The following CTNND2 variants were observed in gnomAD, a reference collection of about 807,000 sequenced individuals.
CTNND2 encodes the protein catenin delta 2.
Under a neutral mutation model 144.4 loss-of-function variants are expected in CTNND2, and 22 were observed. The observed-to-expected ratio is 0.15, with a 90% confidence interval of 0.11 to 0.22. The LOEUF (loss-of-function observed/expected upper bound fraction) is 0.22, where lower values mean the gene tolerates loss of function less well. Ranked by LOEUF, CTNND2 falls within the 10% of genes least tolerant of loss-of-function variation. CTNND2 has a pLI of 1.00. For synonymous variants in CTNND2, 751 were observed against 695.6 expected (o/e 1.08, Z -1.25); for missense variants, 1,353 against 1,618.8 (o/e 0.84, Z 2.82).
At chr5:11,454,592 T>A (rs951545633) in intron 3 of CTNND2, among the ~76,000 whole-genome samples, 2 of 142,128 alleles carry the variant, frequency 1.4e-5, no homozygotes, top group African/African-American at 6.3e-5. Flanking sequence ...AACAGAAAGT[T>A]TTTTTTCCTT....
intron 21 of CTNND2, among the ~76,000 whole-genome samples, chr5:10,980,087 A>G (rs1426170791): frequency 6.6e-6 from 1 of 152,216 alleles, no homozygotes; most frequent in African/African-American, 2.4e-5. Flanking sequence ...CCTGCACGGC[A>G]AAAGAAACTA....
chr5:11,565,291 A>G lies in CTNND2; in HGVS notation c.175-235T>C, dbSNP rs61763038. 0.01 allele frequency among the ~76,000 whole-genome samples: 1,537 copies of G among 152,366 alleles called. 10 individuals are homozygous for G. The highest frequency in any genetic ancestry group is 0.015 in the Non-Finnish European group (1,016 of 68,034). On this transcript the variant is annotated intron_variant, in intron 2 of 21. Coordinates refer to ENST00000304623, the MANE Select transcript of CTNND2 (RefSeq NM_001332.4). ...GTTTCATCATTTGTAAAACAGACTT[A>G]AATACTTATTTAATAAGATGGATAT... is the stretch of plus-strand genomic sequence containing the variant.
chr5:11,457,373 T>C (rs1765824248), intron 3 of CTNND2, among the ~76,000 whole-genome samples: 1 of 152,164 alleles, frequency 6.6e-6, no homozygotes, highest in African/African-American at 2.4e-5. Flanking sequence ...AATTGCTATA[T>C]ATATCAGCAG....
chr5:11,401,421 G>A (rs1760640557), intron 5 of CTNND2, among the ~76,000 whole-genome samples: 1 of 152,180 alleles, frequency 6.6e-6, no homozygotes, highest in African/African-American at 2.4e-5. Flanking sequence ...GGTCTACAAT[G>A]TGGCATTCCC....
intron 7 of CTNND2, among the ~76,000 whole-genome samples, chr5:11,367,070 C>A (rs1757051662): frequency 6.6e-6 from 1 of 152,174 alleles, no homozygotes; most frequent in South Asian, 2.1e-4. Flanking sequence ...TACTTTTTTA[C>A]ATATTAGAGG....
At chr5:11,733,934 TGATG>T (rs989014253) in intron 1 of CTNND2, among the ~76,000 whole-genome samples, 8 of 152,086 alleles carry the variant, frequency 5.3e-5, no homozygotes, top group African/African-American at 1.9e-4. Flanking sequence ...ATACCCAAGG[TGATG>T]GTACTAGGAG....
At chr5:10,996,765 A>T (rs560479036) in intron 18 of CTNND2, among the ~76,000 whole-genome samples, 27 of 152,012 alleles carry the variant, frequency 1.8e-4, no homozygotes, top group African/African-American at 6.0e-4. Context: ...CACCCAGCTA[A>T]TTTTTATATT....
At chr5:11,441,647 C>A (rs1561399054) in intron 3 of CTNND2, among the ~76,000 whole-genome samples, 1 of 126,264 alleles carries the variant, frequency 7.9e-6, no homozygotes, top group Non-Finnish European at 1.6e-5. Context: ...CCACCCCACC[C>A]CCTTGGCCTC....
intron 1 of CTNND2, among the ~76,000 whole-genome samples, chr5:11,758,841 C>T (rs1003945543): frequency 1.3e-5 from 2 of 151,994 alleles, no homozygotes; most frequent in African/African-American, 2.4e-5. Flanking sequence ...CAGTAGACTT[C>T]ACACATTTTA....
At chr5:11,757,695 G>A (rs946782700) in intron 1 of CTNND2, among the ~76,000 whole-genome samples, 1 of 151,916 alleles carries the variant, frequency 6.6e-6, no homozygotes, top group Non-Finnish European at 1.5e-5. Context: ...TGTGTAAAAT[G>A]ACATTTTAAA....
At chr5:10,998,826 A>G (rs1739620464) in intron 18 of CTNND2, among the ~76,000 whole-genome samples, 1 of 152,254 alleles carries the variant, frequency 6.6e-6, no homozygotes, top group South Asian at 2.1e-4. Flanking sequence ...AAATGATTTA[A>G]AGTTTACAGG....
intron 3 of CTNND2, among the ~76,000 whole-genome samples, chr5:11,485,658 C>A (rs75762378): frequency 0.016 from 2,405 of 152,076 alleles, 61 homozygotes; most frequent in African/African-American, 0.056. Context: ...TAATATTTAA[C>A]AAATGATAAG....
Position 11,903,678 on chromosome 5 carries a change from G to T in CTNND2, c.37+139C>A. ...TGGCGCGATCGCGGTCCTCCCCGAG[G>T]CAGGCAGAAACCCCGCAGCAGCCGC... On this transcript the variant is annotated intron_variant, in intron 1 of 21. Coordinates refer to ENST00000304623, the MANE Select transcript of CTNND2 (RefSeq NM_001332.4). This position sits in a 1 kb window ranked among gnomAD's most constrained non-coding sequence, Gnocchi z 5.4. The T allele has an allele frequency of 1.1e-6, 1 of 916,902 alleles. No homozygotes were observed. The highest frequency in any genetic ancestry group is 1.5e-6 in the Non-Finnish European group (1 of 664,828). 56.8% of individuals were successfully genotyped at this position (916,902 alleles called of 1,614,324 possible). A position where few individuals can be genotyped will look rare whatever the true frequency, so the allele number is the denominator to read the frequency against.
intron 11 of CTNND2, among the ~76,000 whole-genome samples, chr5:11,173,449 T>G (rs1272307375): frequency 1.3e-5 from 2 of 152,252 alleles, no homozygotes; most frequent in Non-Finnish European, 2.9e-5. Flanking sequence ...CATTGGATTC[T>G]GTAGAGAATC....
chr5:11,885,014 A>G (rs1317328975), intron 1 of CTNND2, among the ~76,000 whole-genome samples: 2 of 152,166 alleles, frequency 1.3e-5, no homozygotes, highest in African/African-American at 4.8e-5. Context: ...ATCTCACTTG[A>G]TCATGGCGTA....
chr5:11,654,798 G>C (rs1312952428), intron 2 of CTNND2, among the ~76,000 whole-genome samples: 1 of 152,024 alleles, frequency 6.6e-6, no homozygotes, highest in African/African-American at 2.4e-5. Context: ...GAAGTGGTAA[G>C]AATGGGCATC....
At chr5:11,672,991 A>G (rs1243889781) in intron 2 of CTNND2, among the ~76,000 whole-genome samples, 1 of 152,126 alleles carries the variant, frequency 6.6e-6, no homozygotes, top group Admixed American at 6.5e-5. Flanking sequence ...AAATGCAGAA[A>G]TCACCCACCT....
chr5:11,092,799 A>C (rs1750901834), intron 15 of CTNND2, among the ~76,000 whole-genome samples: 1 of 152,248 alleles, frequency 6.6e-6, no homozygotes. Context: ...CATTAACTAG[A>C]ACAAAGACAA....
At chr5:11,346,289 G>A in intron 9 of CTNND2, 83 bp downstream of exon 9, 1 of 1,264,970 alleles carries the variant, frequency 7.9e-7, no homozygotes, top group South Asian at 2.6e-5. Flanking sequence ...TGACATAAAT[G>A]CAACATGACG....
Sources: allele counts gnomAD v4.1 joint callset (sites outside exome capture counted in the v4.1 genomes callset), GRCh38; gene constraint gnomAD v4.1.1; non-coding constraint Gnocchi (gnomAD v3.1); transcripts MANE v1.5; gene names NCBI Gene and HGNC (gene_info 2026-07-23, HGNC 2026-07-21).